Variants in ARHGAP6 observed in about 807,000 individuals in gnomAD.
ARHGAP6 encodes the protein Rho GTPase activating protein 6, also known as rho GTPase-activating protein 6.
ARHGAP6 carries 16 observed loss-of-function variants against 55.7 expected under a neutral mutation model. That is an observed-to-expected ratio of 0.29 (90% CI 0.19 to 0.44). ARHGAP6 has a LOEUF of 0.44. Ranked by LOEUF, ARHGAP6 falls within the 20% of genes least tolerant of loss-of-function variation. ARHGAP6 has a pLI of 1.00. For synonymous variants in ARHGAP6, 382 were observed against 360.9 expected (o/e 1.06, Z -0.66); for missense variants, 698 against 808.9 (o/e 0.86, Z 1.66).
chrX:11,333,038 A>G (rs902668484), intron 1 of ARHGAP6, among the ~76,000 whole-genome samples: 1 of 112,223 alleles, frequency 8.9e-6, no homozygotes, highest in African/African-American at 3.2e-5. Flanking sequence ...AACATCCAGC[A>G]GGAGACAATT....
intron 2 of ARHGAP6, among the ~76,000 whole-genome samples, chrX:11,244,831 A>T (rs1351548386): frequency 8.9e-6 from 1 of 112,147 alleles, no homozygotes; most frequent in Non-Finnish European, 1.9e-5. Flanking sequence ...ACATACGAAT[A>T]TGTATAAATA....
chrX:11,416,464 C>CT (rs1156266679), intron 1 of ARHGAP6, among the ~76,000 whole-genome samples: 2 of 110,742 alleles, frequency 1.8e-5, no homozygotes, highest in Admixed American at 1.9e-4. Context: ...GTTTGGACAC[C>CT]TTTTTTAAAA....
At chrX:11,447,568 T>C (rs763134864) in intron 1 of ARHGAP6, among the ~76,000 whole-genome samples, 1 of 112,461 alleles carries the variant, frequency 8.9e-6, no homozygotes, top group South Asian at 3.7e-4. Context: ...GTGGCAGAGA[T>C]TGTCTAGTCT....
chrX:11,316,578 ACT>A (rs1410237868), intron 1 of ARHGAP6, among the ~76,000 whole-genome samples: 4 of 112,319 alleles, frequency 3.6e-5, no homozygotes, highest in Admixed American at 1.9e-4. Context: ...CTTAAAATCT[ACT>A]CTGTTAGTGA....
intron 1 of ARHGAP6, among the ~76,000 whole-genome samples, chrX:11,386,432 A>G (rs1018507315): frequency 2.7e-5 from 3 of 111,752 alleles, no homozygotes; most frequent in Non-Finnish European, 5.6e-5. Context: ...GCCAGCAGCT[A>G]CAGGGCTGGA....
intron 2 of ARHGAP6, among the ~76,000 whole-genome samples, chrX:11,249,935 AT>A (rs1230225098): frequency 1.8e-5 from 2 of 111,402 alleles, no homozygotes; most frequent in Admixed American, 1.9e-4. Context: ...TTATAGTTTC[AT>A]TTTTTAATCT....
At chrX:11,244,549 T>A (rs1011695564) in intron 2 of ARHGAP6, among the ~76,000 whole-genome samples, 8 of 112,114 alleles carry the variant, frequency 7.1e-5, no homozygotes, top group African/African-American at 9.7e-5. Flanking sequence ...GGCTGATTGG[T>A]TAAAAAATAC....
chrX:11,362,021 A>C (rs1357728826), intron 1 of ARHGAP6, among the ~76,000 whole-genome samples: 7 of 111,733 alleles, frequency 6.3e-5, no homozygotes, highest in African/African-American at 1.3e-4. Flanking sequence ...GCTGGAGAGG[A>C]TGTGGAGAAA....
At chrX:11,332,951 A>G (rs999342618) in intron 1 of ARHGAP6, among the ~76,000 whole-genome samples, 9 of 111,317 alleles carry the variant, frequency 8.1e-5, no homozygotes, top group African/African-American at 2.9e-4. Context: ...CTCTCAACTC[A>G]TCATCTTCTT....
chrX:11,273,306 T>A (rs2147518406), intron 1 of ARHGAP6, among the ~76,000 whole-genome samples: 1 of 110,690 alleles, frequency 9.0e-6, no homozygotes, highest in South Asian at 3.8e-4. Flanking sequence ...TTATTAAAAA[T>A]TTTTATTTTA....
chrX:11,295,455 T>A (rs2048068647), intron 1 of ARHGAP6, among the ~76,000 whole-genome samples: 1 of 111,604 alleles, frequency 9.0e-6, no homozygotes, highest in Non-Finnish European at 1.9e-5. Context: ...TATTTTATAT[T>A]CAAATGTATT....
chrX:11,624,617 G>A (rs1025866229), intron 1 of ARHGAP6, among the ~76,000 whole-genome samples: 26 of 111,938 alleles, frequency 2.3e-4, no homozygotes, highest in Non-Finnish European at 9.4e-5. Context: ...CGCCCAGGCC[G>A]GAGTGCTCAC....
At chrX:11,298,729 T>C in intron 1 of ARHGAP6, 2 of 1,211,047 alleles carry the variant, frequency 1.7e-6, no homozygotes, top group Non-Finnish European at 2.2e-6. Flanking sequence ...CAACACTCCA[T>C]GACTCCAATC....
intron 1 of ARHGAP6, among the ~76,000 whole-genome samples, chrX:11,333,245 G>A (rs2048583977): frequency 8.9e-6 from 1 of 111,925 alleles, no homozygotes; most frequent in African/African-American, 3.2e-5. Context: ...CACATGTCAT[G>A]GGAGGGACCC....
chrX:11,295,474 G>A (rs1569289943), intron 1 of ARHGAP6, among the ~76,000 whole-genome samples: 1 of 111,327 alleles, frequency 9.0e-6, no homozygotes, highest in Non-Finnish European at 1.9e-5. Context: ...TTAAAGATCA[G>A]GACATTAGAC....
At chrX:11,185,869 G>A (rs777378465) in intron 5 of ARHGAP6, among the ~76,000 whole-genome samples, 2 of 111,377 alleles carry the variant, frequency 1.8e-5, no homozygotes, top group African/African-American at 6.5e-5. Flanking sequence ...AACTTTGTGA[G>A]TAACCTCCTA....
chrX:11,221,760 T>C (rs1303998290), intron 2 of ARHGAP6, among the ~76,000 whole-genome samples: 3 of 111,765 alleles, frequency 2.7e-5, no homozygotes, highest in African/African-American at 6.5e-5. Flanking sequence ...GTTTGTTATA[T>C]AGATAAATTG....
chrX:11,450,883 C>G (rs2050137707), intron 1 of ARHGAP6, among the ~76,000 whole-genome samples: 2 of 111,427 alleles, frequency 1.8e-5, no homozygotes, highest in Admixed American at 1.9e-4. Flanking sequence ...TATCAAATGT[C>G]CCCTGGGTGG....
chrX:11,423,934 A>AT (rs1485320434), intron 1 of ARHGAP6, among the ~76,000 whole-genome samples: 2 of 112,051 alleles, frequency 1.8e-5, no homozygotes, highest in Non-Finnish European at 3.8e-5. Flanking sequence ...TTTAATCCAG[A>AT]TTTTTTTTAG....
Sources: gnomAD v4.1 joint callset for allele counts (sites outside exome capture counted in the v4.1 genomes callset) on GRCh38, gnomAD v4.1.1 for gene constraint, MANE v1.5 for transcripts, NCBI Gene and HGNC (gene_info 2026-07-23, HGNC 2026-07-21) for gene names.